SMURF1: variants seen among roughly 807,000 people sequenced by gnomAD.
SMURF1 encodes SMAD specific E3 ubiquitin protein ligase 1.
SMURF1 carries 44 observed loss-of-function variants against 98.0 expected under a neutral mutation model. That is an observed-to-expected ratio of 0.45 (90% CI 0.35 to 0.58). The LOEUF is 0.58. Ranked by LOEUF, SMURF1 falls within the 20% of genes least tolerant of loss-of-function variation. SMURF1 has a pLI of 0.00. For synonymous variants in SMURF1, 396 were observed against 374.9 expected (o/e 1.06, Z -0.65); for missense variants, 687 against 938.4 (o/e 0.73, Z 3.50).
At position 99,035,630 on chromosome 7, in the gene SMURF1, G is replaced by A. The variant is rs759996245; in HGVS notation, c.1896C>T (p.Ile632=). The A allele has an allele frequency of 1.1e-5, 17 of 1,614,218 alleles. No individual in the cohort carries two copies. The highest frequency in any genetic ancestry group is 2.2e-5 in the South Asian group (2 of 91,086). ...CCACCGCTTGCCAGAACCACCGCAC[G>A]ATGTTGCTGTCGGCCACACAGTGCT... ...RLKHCVADSN[I]VRWFWQAVET... The change falls in exon 16 of 18, where the codon ATC becomes ATT. Residue 632 remains isoleucine (I), a synonymous_variant. Transcript: ENST00000361368.
At position 99,069,690 on chromosome 7, in the gene SMURF1, T is replaced by C. The variant is rs1796276369; in HGVS notation, c.56-7853A>G. Among the ~76,000 whole-genome samples the C allele has an allele frequency of 2.1e-5, 3 of 140,432 alleles. No homozygotes were observed. The South Asian group carries it at 7.0e-4, about 33-fold the overall frequency. The allele number at this position is 140,432 out of a possible 152,430, so 92.1% of individuals were successfully genotyped here. On this transcript the variant is annotated intron_variant, in intron 1 of 17. Coordinates refer to ENST00000361368, the MANE Select transcript of SMURF1 (RefSeq NM_181349.3). Reference sequence around the variant, plus strand: ...TCAATTCTGATACAAATTTAGGATATCTTCAAATTTGCATTGAAGGAAAAA... The same window carrying C: ...TCAATTCTGATACAAATTTAGGATACCTTCAAATTTGCATTGAAGGAAAAA...
chr7:99,061,267 ATGTCT>A (rs1796029032), intron 2 of SMURF1, among the ~76,000 whole-genome samples: 2 of 152,214 alleles, frequency 1.3e-5, no homozygotes, highest in African/African-American at 4.8e-5. Flanking sequence ...GAACTGAAAG[ATGTCT>A]TGTGAGGATC....
At chr7:99,054,338 G>C (rs1242679080) in intron 6 of SMURF1, among the ~76,000 whole-genome samples, 1 of 151,980 alleles carries the variant, frequency 6.6e-6, no homozygotes. Flanking sequence ...ACAGAGTCTT[G>C]CTCTGTCACC....
intron 9 of SMURF1, 109 bp from the exon 10 acceptor site, chr7:99,047,991 A>C: frequency 9.7e-7 from 1 of 1,033,828 alleles, no homozygotes; most frequent in Non-Finnish European, 1.4e-6. Context: ...ACACAACTTC[A>C]GGGAGAATTT....
chr7:99,078,448 A>T (rs1006152055), intron 1 of SMURF1, among the ~76,000 whole-genome samples: 3 of 152,180 alleles, frequency 2.0e-5, no homozygotes, highest in Non-Finnish European at 4.4e-5. Flanking sequence ...ATTTAAGATA[A>T]ACATATACAC....
At chr7:99,103,159 T>C (rs1563029569) in intron 1 of SMURF1, among the ~76,000 whole-genome samples, 1 of 152,124 alleles carries the variant, frequency 6.6e-6, no homozygotes, top group East Asian at 1.9e-4. Context: ...TTACAATCAA[T>C]GTGGTTTCAG....
intron 1 of SMURF1, among the ~76,000 whole-genome samples, chr7:99,104,740 A>C (rs1435282698): frequency 6.6e-6 from 1 of 152,116 alleles, no homozygotes; most frequent in Non-Finnish European, 1.5e-5. Context: ...ACTGCTTCCA[A>C]TTTTCTGCTA....
chr7:99,065,293 G>A (rs1161244865), intron 1 of SMURF1, among the ~76,000 whole-genome samples: 1 of 152,014 alleles, frequency 6.6e-6, no homozygotes, highest in Non-Finnish European at 1.5e-5. Flanking sequence ...TCAGTATGTT[G>A]CCCAGGCGGG....
chr7:99,049,946 C>T, intron 8 of SMURF1: 1 of 404,672 alleles, frequency 2.5e-6, no homozygotes, highest in East Asian at 4.0e-5. Flanking sequence ...GGCGCGGTAG[C>T]TCACGCCTGT....
At chr7:99,050,713 T>G in intron 8 of SMURF1, 1 of 467,274 alleles carries the variant, frequency 2.1e-6, no homozygotes, top group African/African-American at 1.9e-5. Context: ...AGTCTCATTA[T>G]AGGTACTGAG....
At chr7:99,059,526 T>C (rs1176176335) in intron 3 of SMURF1, among the ~76,000 whole-genome samples, 3 of 151,964 alleles carry the variant, frequency 2.0e-5, no homozygotes, top group African/African-American at 7.2e-5. Context: ...ATGGCTTTGA[T>C]CATATAAAAC....
At chr7:99,089,558 T>C (rs888354565) in intron 1 of SMURF1, among the ~76,000 whole-genome samples, 6 of 152,120 alleles carry the variant, frequency 3.9e-5, no homozygotes, top group Non-Finnish European at 8.8e-5. Flanking sequence ...GGAGAATCAC[T>C]TGAGCCCAGG....
chr7:99,052,409 T>C lies in SMURF1; in HGVS notation c.517A>G (p.Ser173Gly), dbSNP rs1795780006. The change falls in exon 7 of 18, where the codon AGC becomes GGC. Residue 173 changes from serine (S) to glycine (G), a missense_variant. This residue lies in a region of SMURF1 where 415 missense variants were observed against 508.4 expected (regional missense o/e 0.82). Transcript: ENST00000361368. ...GGGGCTGGTTCCTCCATGAAGCAGC[T>C]GAGCGGCCTCCCAGGCCCGGAGTCT... ...YEDSGPGRPLSCFMEEPAPYT... is the reference protein window; with the variant it reads ...YEDSGPGRPLGCFMEEPAPYT... 6.3e-7 allele frequency: 1 copy of C among 1,598,248 alleles called. No individual in the cohort carries two copies. Among genetic ancestry groups the C allele is most frequent in the East Asian group, 2.2e-5 (1 of 44,554 alleles).
At position 99,083,356 on chromosome 7, in the gene SMURF1, A is replaced by G. The variant is rs1337169999; in HGVS notation, c.56-21519T>C. Reference sequence around the variant, plus strand: ...ATCCTCAGGCCAATGTCAAAAAGACACTGTTTAGATAATAATGATTTACTT... The same window carrying G: ...ATCCTCAGGCCAATGTCAAAAAGACGCTGTTTAGATAATAATGATTTACTT... On this transcript the variant is annotated intron_variant, in intron 1 of 17. Coordinates refer to ENST00000361368, the MANE Select transcript of SMURF1 (RefSeq NM_181349.3). 5.3e-5 allele frequency among the ~76,000 whole-genome samples: 8 copies of G among 152,346 alleles called. No individual in the cohort carries two copies. In the East Asian group the frequency reaches 1.5e-3, roughly 29 times the overall value.
At chr7:99,051,132 G>T in intron 8 of SMURF1, 1 of 854,270 alleles carries the variant, frequency 1.2e-6, no homozygotes, top group Non-Finnish European at 1.8e-6. Flanking sequence ...CTTCAACAAT[G>T]ATCATGGTCA....
chr7:99,107,118 G>C (rs1172578146), intron 1 of SMURF1, among the ~76,000 whole-genome samples: 1 of 152,200 alleles, frequency 6.6e-6, no homozygotes, highest in African/African-American at 2.4e-5. Context: ...AGCAGACGTA[G>C]AGAGTTCCCA....
At chr7:99,066,186 C>T (rs941711079) in intron 1 of SMURF1, among the ~76,000 whole-genome samples, 3 of 152,172 alleles carry the variant, frequency 2.0e-5, no homozygotes, top group African/African-American at 7.2e-5. Context: ...TCAAGACTTA[C>T]ATCTCATGTC....
intron 2 of SMURF1, 105 bp from the exon 3 acceptor site, chr7:99,060,812 A>T (rs758201162): frequency 2.2e-4 from 154 of 705,834 alleles, no homozygotes; most frequent in Admixed American, 6.8e-4. Context: ...TTCAATCAGC[A>T]AAATAAGTTA....
intron 1 of SMURF1, among the ~76,000 whole-genome samples, chr7:99,085,353 C>CAAAAAAAAAAA (rs992976220): frequency 3.8e-5 from 2 of 52,292 alleles, no homozygotes; most frequent in Non-Finnish European, 7.6e-5. Context: ...AACTCCATCT[C>CAAAAAAAAAAA]AAAAAAAAAA....
Sources: allele counts gnomAD v4.1 joint callset (sites outside exome capture counted in the v4.1 genomes callset), GRCh38; gene constraint gnomAD v4.1.1; regional missense constraint gnomAD v4.1.1; transcripts MANE v1.5; gene names NCBI Gene and HGNC (gene_info 2026-07-23, HGNC 2026-07-21).